Variants in FBXL14 observed in about 807,000 individuals in gnomAD.
FBXL14 encodes F-box and leucine rich repeat protein 14, also known as F-box/LRR-repeat protein 14.
A neutral mutation model predicts 24.5 loss-of-function variants in FBXL14; 11 were observed. That is an observed-to-expected ratio of 0.45 (90% confidence interval 0.28 to 0.74). The LOEUF (loss-of-function observed/expected upper bound fraction) is 0.74, where lower values mean the gene tolerates loss of function less well. FBXL14 is among the 30% of genes least tolerant of loss of function. The pLI, the probability that FBXL14 is intolerant of heterozygous loss-of-function variation, is 0.12. For synonymous variants in FBXL14, 294 were observed against 240.4 expected (o/e 1.22, Z -2.06); for missense variants, 384 against 545.6 (o/e 0.70, Z 2.95).
At chr12:1,589,676 GTTAA>G (rs1450590898) in intron 1 of FBXL14, among the ~76,000 whole-genome samples, 2 of 152,150 alleles carry the variant, frequency 1.3e-5, no homozygotes, top group African/African-American at 4.8e-5. Context: ...TTCTCAACAC[GTTAA>G]TTGCTTTCCA....
In FBXL14 at chr12:1,574,417, G is replaced by C. The variant is rs548775200; in HGVS notation, c.1195-7607C>G. Among the ~76,000 whole-genome samples the C allele has an allele frequency of 3.4e-4, 8 of 23,444 alleles. 1 individual carries two copies. Among genetic ancestry groups the C allele is most frequent in the East Asian group, 1.6e-3 (4 of 2,526 alleles). 15.4% of individuals were successfully genotyped at this position (23,444 alleles called of 152,430 possible). A position where few individuals can be genotyped will look rare whatever the true frequency, so the allele number is the denominator to read the frequency against. On this transcript the variant is annotated intron_variant, in intron 1 of 1. Coordinates refer to ENST00000339235, the MANE Select transcript of FBXL14 (RefSeq NM_152441.3). Reference sequence around the variant, plus strand: ...TGGGGTGGGGGAGGCTGGCGGCAGTGGTGTGGGTGGAGCCTGGGGTGAGGG... The same window carrying C: ...TGGGGTGGGGGAGGCTGGCGGCAGTCGTGTGGGTGGAGCCTGGGGTGAGGG...
chr12:1,575,530 G>GT (rs1287696026), intron 1 of FBXL14, among the ~76,000 whole-genome samples: 1 of 152,186 alleles, frequency 6.6e-6, no homozygotes, highest in Non-Finnish European at 1.5e-5. Context: ...TCACTGGTCA[G>GT]TGATACCCTG....
At chr12:1,571,939 C>G (rs1329189262) in intron 1 of FBXL14, among the ~76,000 whole-genome samples, 1 of 152,222 alleles carries the variant, frequency 6.6e-6, no homozygotes, top group African/African-American at 2.4e-5. Flanking sequence ...GTTCTGTGCT[C>G]TAGTCCCTGG....
At chr12:1,566,850 C>G (rs768917029) in intron 1 of FBXL14, 40 bp from the exon 2 acceptor site, 6 of 779,310 alleles carry the variant, frequency 7.7e-6, no homozygotes, top group Non-Finnish European at 1.4e-5. Context: ...TTGAAAGAGA[C>G]TGCCGCACTC....
At chr12:1,568,504 CTT>C (rs1291139949) in intron 1 of FBXL14, among the ~76,000 whole-genome samples, 1 of 152,150 alleles carries the variant, frequency 6.6e-6, no homozygotes, top group African/African-American at 2.4e-5. Flanking sequence ...AAAATAATAA[CTT>C]ATTTTTCTTA....
chr12:1,573,781 G>C (rs2094449707), intron 1 of FBXL14, among the ~76,000 whole-genome samples: 1 of 152,218 alleles, frequency 6.6e-6, no homozygotes, highest in Admixed American at 6.5e-5. Context: ...AAGGCGGGCG[G>C]ATCACCTGAG....
chr12:1,586,633 C>T (rs1395308732), intron 1 of FBXL14, among the ~76,000 whole-genome samples: 1 of 152,206 alleles, frequency 6.6e-6, no homozygotes, highest in African/African-American at 2.4e-5. Context: ...CTAGGTTCTC[C>T]TCTAATTACC....
At chr12:1,570,511 A>G (rs1340446514) in intron 1 of FBXL14, among the ~76,000 whole-genome samples, 1 of 152,130 alleles carries the variant, frequency 6.6e-6, no homozygotes, top group African/African-American at 2.4e-5. Flanking sequence ...GTGGGTGGGC[A>G]TGGCTGTGTG....
chr12:1,574,357 G>A lies in FBXL14; in HGVS notation c.1195-7547C>T, dbSNP rs111486067. The stretch of plus-strand genomic sequence containing the variant: ...CAGCCATGTGGGTGGAGGCTGGGGT[G>A]AGAGGAGGCTGGTGGCAGCGGTGTG... On this transcript the variant is annotated intron_variant, in intron 1 of 1. Transcript: ENST00000339235. Among the ~76,000 whole-genome samples, 423 of 64,500 alleles carry A rather than the reference G, an allele frequency of 6.6e-3. 3 individuals carry two copies. Among genetic ancestry groups the A allele is most frequent in the Non-Finnish European group, 0.014 (260 of 18,318 alleles). The allele number at this position is 64,500 out of a possible 152,430, so 42.3% of individuals were successfully genotyped here. A position where few individuals can be genotyped will look rare whatever the true frequency, so the allele number is the denominator to read the frequency against.
Position 1,569,258 on chromosome 12 carries a change from T to A in FBXL14, c.1195-2448A>T, listed in dbSNP as rs2094441124. On this transcript the variant is annotated intron_variant, in intron 1 of 1. Transcript: ENST00000339235. This position sits in a 1 kb window ranked among gnomAD's most constrained non-coding sequence, Gnocchi z 4.2. ...TGAAGTGGTCATTTATTTTATCCAC[T>A]TAATTTCTGATGTTTTCTAATTCTC... is the stretch of plus-strand genomic sequence containing the variant. 3.3e-5 allele frequency among the ~76,000 whole-genome samples: 5 copies of A among 152,178 alleles called. No individual in the cohort carries two copies. The South Asian group carries it at 1.0e-3, about 32-fold the overall frequency.
rs191637141 is a variant in FBXL14, at chr12:1,576,981, T to C, written c.1195-10171A>G. ...CAATGCGTTGGTCAGCAGGAATATT[T>C]GTTAGCATTTTTATGGGCTCTTAAA... On this transcript the variant is annotated intron_variant, in intron 1 of 1. Coordinates refer to ENST00000339235, the MANE Select transcript of FBXL14 (RefSeq NM_152441.3). Among the ~76,000 whole-genome samples the C allele has an allele frequency of 1.5e-3, 235 of 152,340 alleles. 1 individual carries two copies. The highest frequency in any genetic ancestry group is 5.5e-3 in the African/African-American group (228 of 41,576).
intron 1 of FBXL14, 71 bp downstream of exon 1, chr12:1,592,802 G>A (rs2094493621): frequency 3.9e-6 from 5 of 1,286,598 alleles, no homozygotes; most frequent in African/African-American, 1.5e-5. Flanking sequence ...GTGTGAGTGT[G>A]TGGGGGCGGT....
At chr12:1,592,232 A>C (rs2094492046) in intron 1 of FBXL14, among the ~76,000 whole-genome samples, 1 of 147,606 alleles carries the variant, frequency 6.8e-6, no homozygotes, top group Non-Finnish European at 1.5e-5. Context: ...TAATATATAG[A>C]ATATATTCAG....
chr12:1,576,884 T>G (rs1565584256), intron 1 of FBXL14, among the ~76,000 whole-genome samples: 1 of 152,236 alleles, frequency 6.6e-6, no homozygotes, highest in African/African-American at 2.4e-5. Flanking sequence ...ATTCATAAAC[T>G]TTAGCATTTT....
chr12:1,568,955 A>G (rs955356618), intron 1 of FBXL14, among the ~76,000 whole-genome samples: 6 of 152,232 alleles, frequency 3.9e-5, no homozygotes, highest in Admixed American at 3.9e-4. Context: ...TGCTTCTGTC[A>G]GGTCACTTTA....
chr12:1,587,013 G>A (rs1180189963), intron 1 of FBXL14, among the ~76,000 whole-genome samples: 2 of 152,128 alleles, frequency 1.3e-5, no homozygotes, highest in South Asian at 2.1e-4. Context: ...CGAGGCGGGC[G>A]GATCACTTGA....
At chr12:1,578,241 T>G (rs1016579531) in intron 1 of FBXL14, among the ~76,000 whole-genome samples, 1 of 152,236 alleles carries the variant, frequency 6.6e-6, no homozygotes, top group Non-Finnish European at 1.5e-5. Flanking sequence ...GTACTAACAT[T>G]TTCAATGGCC....
At chr12:1,574,648 C>A in intron 1 of FBXL14, 1 of 193,610 alleles carries the variant, frequency 5.2e-6, no homozygotes, top group South Asian at 8.4e-5. Flanking sequence ...ATCTGAAGTT[C>A]AAGTTCTCAA....
chr12:1,577,266 G>T (rs967700243), intron 1 of FBXL14, among the ~76,000 whole-genome samples: 4 of 152,204 alleles, frequency 2.6e-5, no homozygotes, highest in Admixed American at 2.6e-4. Flanking sequence ...CGCGCTGAGC[G>T]TGGGGCACTT....
Sources: allele counts gnomAD v4.1 joint callset (sites outside exome capture counted in the v4.1 genomes callset), GRCh38; gene constraint gnomAD v4.1.1; non-coding constraint Gnocchi (gnomAD v3.1); transcripts MANE v1.5; gene names NCBI Gene and HGNC (gene_info 2026-07-23, HGNC 2026-07-21).